Variants in PARD3 observed in about 807,000 individuals in gnomAD.
The protein encoded by PARD3 is par-3 family cell polarity regulator, also known as partitioning defective 3 homolog.
PARD3 carries 75 observed loss-of-function variants against 155.4 expected under a neutral mutation model. The ratio of observed to expected loss-of-function variants is 0.48; its 90% CI spans 0.40 to 0.58. The LOEUF (loss-of-function observed/expected upper bound fraction) is 0.58. Ranked by LOEUF, PARD3 falls within the 20% of genes least tolerant of loss-of-function variation. PARD3 has a pLI of 0.00. For synonymous variants in PARD3, 576 were observed against 610.5 expected (o/e 0.94, Z 0.83); for missense variants, 1,642 against 1,721.7 (o/e 0.95, Z 0.82).
chr10:34,374,805 T>C, intron 11 of PARD3, 69 bp downstream of exon 11: 1 of 1,446,750 alleles, frequency 6.9e-7, no homozygotes. Flanking sequence ...ACATTTGCCA[T>C]CAGGCAACTA....
intron 4 of PARD3, among the ~76,000 whole-genome samples, chr10:34,462,094 G>A (rs1190678373): frequency 6.6e-6 from 1 of 152,208 alleles, no homozygotes; most frequent in East Asian, 1.9e-4. Flanking sequence ...ATTTTAATAT[G>A]CAAAATAGAA....
In PARD3 at chr10:34,413,180, C is replaced by CACAT. The variant is rs775445941; in HGVS notation, c.715-11264_715-11263insATGT. Among the ~76,000 whole-genome samples the CACAT allele has an allele frequency of 3.7e-3, 537 of 145,240 alleles. 2 individuals are homozygous for CACAT. The highest frequency in any genetic ancestry group is 6.9e-3 in the Middle Eastern group (2 of 288). The stretch of plus-strand genomic sequence containing the variant: ...ACACACACACACACACACACACACA[C>CACAT]ATATATATAAGACTTTGTAACTGAT... On this transcript the variant is annotated intron_variant, in intron 5 of 24. Coordinates refer to ENST00000374788, the MANE Select transcript of PARD3 (RefSeq NM_001184785.2).
intron 23 of PARD3, among the ~76,000 whole-genome samples, chr10:34,126,612 A>G (rs1195392615): frequency 6.6e-6 from 1 of 152,234 alleles, no homozygotes; most frequent in Non-Finnish European, 1.5e-5. Context: ...ATAAGAGAAG[A>G]GAAGGATTCC....
At chr10:34,565,638 CG>C (rs981968396) in intron 2 of PARD3, among the ~76,000 whole-genome samples, 1 of 152,032 alleles carries the variant, frequency 6.6e-6, no homozygotes, top group African/African-American at 2.4e-5. Context: ...TTAAAATCCT[CG>C]TTTTTAAGAA....
chr10:34,806,634 C>A lies in PARD3; in HGVS notation c.120+8242G>T, dbSNP rs114598512. ...GCGTGAGCCTTCTCACCCAGCCAAC[C>A]CTAAGCAAAATTTACCCTAACTCTG... is the stretch of plus-strand genomic sequence containing the variant. On this transcript the variant is annotated intron_variant, in intron 1 of 24. Coordinates refer to ENST00000374788, the MANE Select transcript of PARD3 (RefSeq NM_001184785.2). Among the ~76,000 whole-genome samples, 281 of 152,326 alleles carry A rather than the reference C, an allele frequency of 1.8e-3. 3 individuals are homozygous for A. The highest frequency in any genetic ancestry group is 6.5e-3 in the African/African-American group (270 of 41,584).
At chr10:34,543,249 C>T (rs907016126) in intron 2 of PARD3, among the ~76,000 whole-genome samples, 3 of 151,830 alleles carry the variant, frequency 2.0e-5, no homozygotes, top group African/African-American at 7.3e-5. Context: ...CTAGCCTGGG[C>T]GTCAGAGCAA....
intron 2 of PARD3, among the ~76,000 whole-genome samples, chr10:34,607,374 C>T (rs2090550667): frequency 6.6e-6 from 1 of 152,208 alleles, no homozygotes; most frequent in Non-Finnish European, 1.5e-5. Flanking sequence ...CAAGATGAGG[C>T]TTAAATGATG....
At chr10:34,592,475 G>C (rs751182843) in intron 2 of PARD3, among the ~76,000 whole-genome samples, 2 of 152,110 alleles carry the variant, frequency 1.3e-5, no homozygotes, top group Non-Finnish European at 2.9e-5. Flanking sequence ...ACAGAACACT[G>C]CCATCAAAAA....
At chr10:34,370,190 C>T (rs183731148) in intron 12 of PARD3, among the ~76,000 whole-genome samples, 21 of 152,058 alleles carry the variant, frequency 1.4e-4, no homozygotes, top group Middle Eastern at 3.4e-3. Flanking sequence ...TTGGGAAACT[C>T]GTATTAGAAA....
chr10:34,475,100 C>A (rs559317621), intron 3 of PARD3, among the ~76,000 whole-genome samples: 5 of 152,182 alleles, frequency 3.3e-5, no homozygotes, highest in African/African-American at 1.2e-4. Flanking sequence ...AAATTGATGA[C>A]CTCAAAGAGT....
intron 22 of PARD3, among the ~76,000 whole-genome samples, chr10:34,261,443 C>T (rs1039319684): frequency 6.6e-6 from 1 of 152,108 alleles, no homozygotes; most frequent in African/African-American, 2.4e-5. Flanking sequence ...AATCCCAGCA[C>T]TTTGGGAGGT....
chr10:34,400,086 T>C (rs1467056406), intron 6 of PARD3, among the ~76,000 whole-genome samples: 4 of 152,206 alleles, frequency 2.6e-5, no homozygotes, highest in East Asian at 1.9e-4. Context: ...ACAAAACTCC[T>C]TTCTCAAAGC....
intron 1 of PARD3, among the ~76,000 whole-genome samples, chr10:34,704,329 G>A (rs544199996): frequency 3.3e-5 from 5 of 152,292 alleles, no homozygotes; most frequent in African/African-American, 1.2e-4. Context: ...TATCATACAT[G>A]GTTCAGCTGT....
chr10:34,267,378 T>C (rs1955374552), intron 22 of PARD3, among the ~76,000 whole-genome samples: 1 of 152,306 alleles, frequency 6.6e-6, no homozygotes. Flanking sequence ...ACCTTCTAGG[T>C]GATCACAGCA....
chr10:34,693,370 G>A (rs1029278376), intron 2 of PARD3, among the ~76,000 whole-genome samples: 1 of 152,212 alleles, frequency 6.6e-6, no homozygotes, highest in Non-Finnish European at 1.5e-5. Flanking sequence ...CAGTGGTAGA[G>A]TGGATAAAGA....
At chr10:34,664,060 C>G (rs2093391890) in intron 2 of PARD3, 1 of 152,230 alleles carries the variant, frequency 6.6e-6, no homozygotes, top group South Asian at 2.1e-4. Context: ...GGGAGTGTGT[C>G]CAGCTGCGAT....
chr10:34,280,797 A>T (rs1487731331), intron 21 of PARD3, among the ~76,000 whole-genome samples: 1 of 152,104 alleles, frequency 6.6e-6, no homozygotes, highest in East Asian at 1.9e-4. Flanking sequence ...GGTTGAGAGG[A>T]TGTTTTGAGA....
At chr10:34,410,393 AAC>A (rs1324759974) in intron 5 of PARD3, among the ~76,000 whole-genome samples, 19 of 152,260 alleles carry the variant, frequency 1.2e-4, no homozygotes, top group African/African-American at 4.3e-4. Flanking sequence ...TCATTAAAGA[AAC>A]AATTTTTAAT....
intron 1 of PARD3, among the ~76,000 whole-genome samples, chr10:34,736,915 G>T (rs1344776240): frequency 1.3e-5 from 2 of 152,004 alleles, no homozygotes; most frequent in Non-Finnish European, 2.9e-5. Flanking sequence ...GACCTCAAGT[G>T]ATCTGCCCAC....
Sources: allele counts gnomAD v4.1 joint callset (sites outside exome capture counted in the v4.1 genomes callset), GRCh38; gene constraint gnomAD v4.1.1; transcripts MANE v1.5; gene names NCBI Gene and HGNC (gene_info 2026-07-23, HGNC 2026-07-21).